Variants in ST6GALNAC3 observed in about 807,000 individuals in gnomAD.
The protein encoded by ST6GALNAC3 is alpha-N-acetylgalactosaminide alpha-2,6-sialyltransferase 3.
In ST6GALNAC3, 25 loss-of-function variants were observed where a neutral mutation model predicts 32.7. The ratio of observed to expected loss-of-function variants is 0.76; its 90% CI spans 0.56 to 1.07. The LOEUF is 1.07. Among genes scored for constraint, ST6GALNAC3 ranks in the 50% least tolerant of loss-of-function variants. ST6GALNAC3 has a pLI of 0.00. For missense variants in ST6GALNAC3, 355 were observed against 382.4 expected (o/e 0.93, Z 0.60); for synonymous variants, 129 against 133.1 (o/e 0.97, Z 0.21).
At chr1:76,530,513 T>C (rs1014786844) in intron 3 of ST6GALNAC3, among the ~76,000 whole-genome samples, 2 of 152,210 alleles carry the variant, frequency 1.3e-5, no homozygotes, top group African/African-American at 4.8e-5. Context: ...AGAGCTGAGC[T>C]GAGCTGAGAG....
intron 3 of ST6GALNAC3, among the ~76,000 whole-genome samples, chr1:76,422,727 C>T (rs77955855): frequency 3.3e-5 from 5 of 151,932 alleles, no homozygotes; most frequent in African/African-American, 4.8e-5. Flanking sequence ...CAAGAACTAC[C>T]GTGATAAAGA....
chr1:76,112,115 G>A (rs1387682893), intron 1 of ST6GALNAC3, among the ~76,000 whole-genome samples: 1 of 143,016 alleles, frequency 7.0e-6, no homozygotes, highest in Non-Finnish European at 1.5e-5. Flanking sequence ...CCGGGCGGGG[G>A]GCTGACACTC....
intron 1 of ST6GALNAC3, among the ~76,000 whole-genome samples, chr1:76,264,177 C>A (rs1658403493): frequency 6.6e-6 from 1 of 152,080 alleles, no homozygotes; most frequent in Non-Finnish European, 1.5e-5. Context: ...GCCTGAAATT[C>A]TATTACTTAG....
Position 76,630,051 on chromosome 1 carries a change from T to C in ST6GALNAC3, c.*1245T>C, listed in dbSNP as rs1376769285. 5.1e-6 allele frequency: 5 copies of C among 985,154 alleles called. No individual in the cohort carries two copies. The highest frequency in any genetic ancestry group is 6.0e-6 in the Non-Finnish European group (5 of 829,844). 61.0% of individuals were successfully genotyped at this position (985,154 alleles called of 1,614,324 possible). A position where few individuals can be genotyped will look rare whatever the true frequency, so the allele number is the denominator to read the frequency against. On this transcript the variant is annotated 3_prime_UTR_variant, in exon 5 of 5. Coordinates refer to ENST00000328299, the MANE Select transcript of ST6GALNAC3 (RefSeq NM_152996.4). ...GAGTCCTTTAACATCTGTTATACCA[T>C]GTGATGCCCTTGAACACCCCATTGG...
At chr1:76,350,312 T>G (rs1334189978) in intron 2 of ST6GALNAC3, among the ~76,000 whole-genome samples, 2 of 152,172 alleles carry the variant, frequency 1.3e-5, no homozygotes, top group Admixed American at 1.3e-4. Context: ...CAGGCGCACA[T>G]CACTGTCCCT....
chr1:76,437,271 A>G (rs1221444076), intron 3 of ST6GALNAC3, among the ~76,000 whole-genome samples: 1 of 152,150 alleles, frequency 6.6e-6, no homozygotes, highest in Non-Finnish European at 1.5e-5. Flanking sequence ...TCCTTGGAAG[A>G]TGATTTCTTC....
intron 1 of ST6GALNAC3, among the ~76,000 whole-genome samples, chr1:76,183,876 A>ATATATATATATATATATG (rs1557679664): frequency 3.5e-5 from 5 of 143,396 alleles, no homozygotes; most frequent in Admixed American, 1.4e-4. Context: ...ATATATATGT[A>ATATATATATATATATATG]TGTTACTGAA....
intron 3 of ST6GALNAC3, among the ~76,000 whole-genome samples, chr1:76,445,564 G>A (rs551786364): frequency 3.7e-4 from 56 of 152,232 alleles, no homozygotes; most frequent in Middle Eastern, 3.4e-3. Context: ...CAAACAGAAC[G>A]AAACAATATG....
At chr1:76,550,814 G>A (rs941668798) in intron 3 of ST6GALNAC3, among the ~76,000 whole-genome samples, 7 of 152,090 alleles carry the variant, frequency 4.6e-5, no homozygotes, top group African/African-American at 1.7e-4. Context: ...GCAATGGAGC[G>A]ATCTCAGTTC....
At chr1:76,481,831 T>A (rs1327312841) in intron 3 of ST6GALNAC3, among the ~76,000 whole-genome samples, 1 of 152,184 alleles carries the variant, frequency 6.6e-6, no homozygotes, top group Admixed American at 6.6e-5. Context: ...AGAAATATTT[T>A]ACATGCAAAT....
intron 1 of ST6GALNAC3, among the ~76,000 whole-genome samples, chr1:76,144,034 G>A (rs75354495): frequency 0.015 from 2,331 of 152,298 alleles, 60 homozygotes; most frequent in African/African-American, 0.053. Context: ...AAGTGGATCT[G>A]TGTAAATAGC....
At chr1:76,590,554 T>C (rs1647031432) in intron 3 of ST6GALNAC3, among the ~76,000 whole-genome samples, 1 of 152,220 alleles carries the variant, frequency 6.6e-6, no homozygotes, top group African/African-American at 2.4e-5. Flanking sequence ...TTACTTCCAA[T>C]CAGAGCTGAG....
intron 3 of ST6GALNAC3, among the ~76,000 whole-genome samples, chr1:76,565,716 G>T (rs140386150): frequency 6.6e-6 from 1 of 152,106 alleles, no homozygotes; most frequent in African/African-American, 2.4e-5. Context: ...CAAAACTATT[G>T]TCTTGTTTCC....
chr1:76,612,677 T>A (rs1249128964), intron 3 of ST6GALNAC3, among the ~76,000 whole-genome samples: 1 of 152,088 alleles, frequency 6.6e-6, no homozygotes, highest in Non-Finnish European at 1.5e-5. Flanking sequence ...GTTGCACTTT[T>A]AAAAAAAGCC....
intron 3 of ST6GALNAC3, among the ~76,000 whole-genome samples, chr1:76,529,218 C>A (rs1271590613): frequency 6.6e-6 from 1 of 152,056 alleles, no homozygotes; most frequent in African/African-American, 2.4e-5. Context: ...CCTTCACTGC[C>A]CACAAGTCTC....
At chr1:76,154,534 C>G (rs886914025) in intron 1 of ST6GALNAC3, among the ~76,000 whole-genome samples, 1 of 152,180 alleles carries the variant, frequency 6.6e-6, no homozygotes, top group South Asian at 2.1e-4. Context: ...GTTTGTGTTT[C>G]GTTAGTGAAA....
chr1:76,149,718 T>C (rs575046446), intron 1 of ST6GALNAC3, among the ~76,000 whole-genome samples: 1 of 152,336 alleles, frequency 6.6e-6, no homozygotes, highest in Non-Finnish European at 1.5e-5. Flanking sequence ...TATTTCTGTA[T>C]TCATTCATTG....
At chr1:76,292,522 A>G (rs1456461354) in intron 1 of ST6GALNAC3, among the ~76,000 whole-genome samples, 1 of 152,218 alleles carries the variant, frequency 6.6e-6, no homozygotes, top group Non-Finnish European at 1.5e-5. Context: ...CTTGGTGTAT[A>G]AGTACCAGTA....
At chr1:76,347,323 T>A (rs1648603869) in intron 2 of ST6GALNAC3, among the ~76,000 whole-genome samples, 2 of 152,238 alleles carry the variant, frequency 1.3e-5, no homozygotes, top group African/African-American at 4.8e-5. Context: ...AAAACGTTAT[T>A]CCAGCAGTCT....
Sources: allele counts gnomAD v4.1 joint callset (sites outside exome capture counted in the v4.1 genomes callset), GRCh38; gene constraint gnomAD v4.1.1; transcripts MANE v1.5; gene names NCBI Gene and HGNC (gene_info 2026-07-23, HGNC 2026-07-21).